ASTN1: variants seen among roughly 807,000 people sequenced by gnomAD.
The protein encoded by ASTN1 is astrotactin-1.
In ASTN1, 41 loss-of-function variants were observed where a neutral mutation model predicts 140.7. That is an observed-to-expected ratio of 0.29 (90% CI 0.23 to 0.38). The LOEUF (loss-of-function observed/expected upper bound fraction) is 0.38. Among genes scored for constraint, ASTN1 ranks in the 10% least tolerant of loss-of-function variants. The pLI, the probability that ASTN1 is intolerant of heterozygous loss-of-function variation, is 1.00. For missense variants in ASTN1, 1,479 were observed against 1,678.8 expected, an observed-to-expected ratio of 0.88 and a Z score of 2.08; for synonymous variants, 640 against 652.2, an observed-to-expected ratio of 0.98 and a Z score of 0.29.
rs1449007528 is a variant in ASTN1 at position 177,029,754 on chromosome 1, C to A, written c.1013-13G>T. The A allele has an allele frequency of 1.2e-6, 2 of 1,603,254 alleles. No homozygotes were observed. The highest frequency in any genetic ancestry group is 1.7e-6 in the Non-Finnish European group (2 of 1,173,180). ...AAGGCGGAACCAGCTGTAATGAAAG[C>A]AGCATGGTCAAGAAAGCGTTTTCAG... On this transcript the variant is annotated splice_polypyrimidine_tract_variant and intron_variant, in intron 4 of 22. Coordinates refer to ENST00000361833, the MANE Select transcript of ASTN1 (RefSeq NM_004319.3).
At chr1:177,019,822 G>A (rs1675730441) in intron 7 of ASTN1, among the ~76,000 whole-genome samples, 1 of 152,160 alleles carries the variant, frequency 6.6e-6, no homozygotes, top group Admixed American at 6.5e-5. Flanking sequence ...AATTGCACAA[G>A]GAGGATATAA....
intron 1 of ASTN1, among the ~76,000 whole-genome samples, chr1:177,085,894 T>A (rs1404270048): frequency 6.6e-6 from 1 of 152,176 alleles, no homozygotes; most frequent in Non-Finnish European, 1.5e-5. Context: ...AACCTCCTCA[T>A]TATAGGATGA....
At position 176,995,086 on chromosome 1, in the gene ASTN1, T is replaced by G. The variant is rs74127276; in HGVS notation, c.1523+19705A>C. Among the ~76,000 whole-genome samples the G allele has an allele frequency of 9.5e-3, 1,454 of 152,258 alleles. 22 individuals carry two copies. Among genetic ancestry groups the G allele is most frequent in the African/African-American group, 0.032 (1,324 of 41,552 alleles). On this transcript the variant is annotated intron_variant, in intron 8 of 22. Coordinates refer to ENST00000361833, the MANE Select transcript of ASTN1 (RefSeq NM_004319.3). ...AGCACTGGGGAATGCACTGAGAAAG[T>G]CAAGCAGAGATTTGATAGAACTTGC... is the stretch of plus-strand genomic sequence containing the variant.
chr1:176,976,118 C>T (rs1673351203), intron 8 of ASTN1: 1 of 152,136 alleles, frequency 6.6e-6, no homozygotes, highest in South Asian at 2.1e-4. Context: ...ATATGAGATG[C>T]ATATTCATTT....
intron 8 of ASTN1, among the ~76,000 whole-genome samples, chr1:176,971,421 T>C (rs1380356910): frequency 6.6e-6 from 1 of 152,146 alleles, no homozygotes; most frequent in Non-Finnish European, 1.5e-5. Flanking sequence ...GTAAGAATAA[T>C]GATGAATAAT....
At chr1:177,062,397 T>C (rs1386615201) in intron 1 of ASTN1, among the ~76,000 whole-genome samples, 1 of 151,794 alleles carries the variant, frequency 6.6e-6, no homozygotes, top group Non-Finnish European at 1.5e-5. Flanking sequence ...CACCACACCA[T>C]GCTCAGCTAA....
At chr1:176,883,239 T>A (rs1668885410) in intron 19 of ASTN1, among the ~76,000 whole-genome samples, 1 of 150,876 alleles carries the variant, frequency 6.6e-6, no homozygotes, top group East Asian at 1.9e-4. Context: ...TTCTTTTTTT[T>A]TTTTTTTTTT....
At chr1:176,903,264 A>G (rs1357378967) in intron 16 of ASTN1, among the ~76,000 whole-genome samples, 1 of 151,770 alleles carries the variant, frequency 6.6e-6, no homozygotes, top group East Asian at 1.9e-4. Context: ...TGCACACCCT[A>G]TAAAGTGTTT....
In ASTN1 at chr1:176,958,445, G is replaced by T; in HGVS notation, c.1636C>A (p.Leu546Ile). 6.2e-7 allele frequency: 1 copy of T among 1,613,902 alleles called. No individual in the cohort carries two copies. The highest frequency in any genetic ancestry group is 1.1e-5 in the South Asian group (1 of 91,014). Residue 546 changes from leucine (L) to isoleucine (I), a missense_variant, in exon 10 of 23, where the codon CTC (leucine) becomes ATC (isoleucine). Physicochemically the swap from Leu to Ile is conservative, Grantham distance 5. This residue lies in a region of ASTN1 where 729 missense variants were observed against 860.4 expected (regional missense o/e 0.85). Transcript: ENST00000361833. Reference protein sequence around the residue: ...YTLGEGMWLPLSKSFVIPPAE... With the variant: ...YTLGEGMWLPISKSFVIPPAE... ...GGTGGAATCACAAAGCTCTTGCTGA[G>T]GGGCAACCACATGCCCTCCCCAAGA...
At chr1:177,051,588 AT>A (rs1488555259) in intron 2 of ASTN1, among the ~76,000 whole-genome samples, 1 of 152,304 alleles carries the variant, frequency 6.6e-6, no homozygotes, top group Non-Finnish European at 1.5e-5. Flanking sequence ...GGCTGGCTAC[AT>A]TTACTATACC....
chr1:176,910,491 T>G (rs1015760142), intron 16 of ASTN1, among the ~76,000 whole-genome samples: 1 of 152,240 alleles, frequency 6.6e-6, no homozygotes, highest in African/African-American at 2.4e-5. Context: ...ATATGAATTA[T>G]GTGTAATCTC....
chr1:176,921,811 C>G (rs1394903939), intron 16 of ASTN1, among the ~76,000 whole-genome samples: 3 of 152,166 alleles, frequency 2.0e-5, no homozygotes, highest in Non-Finnish European at 4.4e-5. Flanking sequence ...GAAGCTGGAA[C>G]AAGACTGCCT....
chr1:176,948,381 T>G (rs1375045515), intron 12 of ASTN1, among the ~76,000 whole-genome samples: 1 of 152,194 alleles, frequency 6.6e-6, no homozygotes, highest in East Asian at 1.9e-4. Context: ...TTTGTTTACT[T>G]TATAAATATA....
At chr1:177,038,703 G>A (rs1676841019) in intron 2 of ASTN1, among the ~76,000 whole-genome samples, 1 of 152,094 alleles carries the variant, frequency 6.6e-6, no homozygotes, top group Non-Finnish European at 1.5e-5. Context: ...ACTTTAGCAA[G>A]GCATTTTTTT....
At chr1:176,936,949 G>T (rs1344337793) in intron 14 of ASTN1, among the ~76,000 whole-genome samples, 1 of 152,104 alleles carries the variant, frequency 6.6e-6, no homozygotes, top group Admixed American at 6.6e-5. Context: ...TACTTTACAG[G>T]CAGGTTGTGA....
At chr1:176,991,322 AG>A (rs1306985106) in intron 8 of ASTN1, among the ~76,000 whole-genome samples, 3 of 151,016 alleles carry the variant, frequency 2.0e-5, no homozygotes, top group Admixed American at 2.0e-4. Flanking sequence ...CTGAGGCAGG[AG>A]AATCGCTTGA....
intron 2 of ASTN1, among the ~76,000 whole-genome samples, chr1:177,047,178 C>A (rs908766727): frequency 6.6e-6 from 1 of 152,174 alleles, no homozygotes; most frequent in Non-Finnish European, 1.5e-5. Flanking sequence ...CTTCTTCACC[C>A]AGCCCAGAGA....
chr1:176,986,686 T>C (rs145022358), intron 8 of ASTN1, among the ~76,000 whole-genome samples: 49 of 152,304 alleles, frequency 3.2e-4, no homozygotes, highest in African/African-American at 1.2e-3. Flanking sequence ...TTGACACTTA[T>C]GAGCTGAGAA....
intron 8 of ASTN1, among the ~76,000 whole-genome samples, chr1:177,010,777 C>T (rs779314056): frequency 6.6e-6 from 1 of 152,192 alleles, no homozygotes; most frequent in Non-Finnish European, 1.5e-5. Flanking sequence ...CAATTCTCTG[C>T]CATTCTTGGC....
Sources: gnomAD v4.1 joint callset for allele counts (sites outside exome capture counted in the v4.1 genomes callset) on GRCh38, gnomAD v4.1.1 for gene constraint, gnomAD v4.1.1 regional missense constraint, MANE v1.5 for transcripts, NCBI Gene and HGNC (gene_info 2026-07-23, HGNC 2026-07-21) for gene names.